Variants in RASGRP3 observed in about 807,000 individuals in gnomAD.
RASGRP3 encodes ras guanyl-releasing protein 3.
Under a neutral mutation model 82.7 loss-of-function variants are expected in RASGRP3, and 54 were observed. The ratio of observed to expected loss-of-function variants is 0.65; its 90% CI spans 0.52 to 0.82. RASGRP3 has a LOEUF of 0.82. Among genes scored for constraint, RASGRP3 ranks in the 40% least tolerant of loss-of-function variants. The probability of loss-of-function intolerance (pLI) is 0.00; values close to 1 mark genes in which losing one functional copy is unlikely to be tolerated. For synonymous variants in RASGRP3, 309 were observed against 300.5 expected (o/e 1.03, Z -0.29); for missense variants, 861 against 828.9 (o/e 1.04, Z -0.48).
intron 13 of RASGRP3, among the ~76,000 whole-genome samples, chr2:33,544,708 T>C (rs114040566): frequency 0.012 from 1,761 of 152,190 alleles, 35 homozygotes; most frequent in African/African-American, 0.039. Flanking sequence ...AAAAACGAAA[T>C]CTGGAGCCGG....
intron 1 of RASGRP3, among the ~76,000 whole-genome samples, chr2:33,479,129 A>G (rs778867174): frequency 6.6e-6 from 1 of 152,242 alleles, no homozygotes; most frequent in Admixed American, 6.5e-5. Context: ...GAGTATTTCC[A>G]GCACAATATG....
upstream of RASGRP3, among the ~76,000 whole-genome samples, chr2:33,471,717 T>G (rs941989430): frequency 6.6e-6 from 1 of 152,160 alleles, no homozygotes; most frequent in African/African-American, 2.4e-5. Context: ...AATTCCTTAT[T>G]AACTTTTACA....
At chr2:33,463,659 C>T (rs953067069) in intron 2 of RASGRP3, among the ~76,000 whole-genome samples, 6 of 144,302 alleles carry the variant, frequency 4.2e-5, no homozygotes, top group African/African-American at 1.0e-4. Context: ...AGTACAATGG[C>T]GCAATCTTGG....
chr2:33,532,595 A>T (rs1673206016), intron 10 of RASGRP3: 2 of 152,214 alleles, frequency 1.3e-5, no homozygotes, highest in Admixed American at 6.5e-5. Context: ...TTTCCTGTAA[A>T]AAGGCAGAGC....
At chr2:33,555,226 TCTC>T (rs1326861210) in intron 14 of RASGRP3, 3 of 224,166 alleles carry the variant, frequency 1.3e-5, no homozygotes, top group Non-Finnish European at 2.6e-5. Flanking sequence ...CAAGTGGCCA[TCTC>T]CTCTGTACAT....
intron 2 of RASGRP3, among the ~76,000 whole-genome samples, chr2:33,459,370 A>G (rs1384297029): frequency 1.3e-5 from 2 of 152,044 alleles, no homozygotes; most frequent in Admixed American, 6.6e-5. Context: ...TCCTGACTTC[A>G]TGATCCGCCT....
chr2:33,501,808 A>G (rs1289593253), intron 1 of RASGRP3, among the ~76,000 whole-genome samples: 1 of 152,230 alleles, frequency 6.6e-6, no homozygotes, highest in African/African-American at 2.4e-5. Context: ...ACGATGAGGT[A>G]TGACCAGAGG....
intron 2 of RASGRP3, among the ~76,000 whole-genome samples, chr2:33,457,161 A>AT (rs1366420614): frequency 1.3e-5 from 2 of 152,170 alleles, no homozygotes; most frequent in East Asian, 1.9e-4. Context: ...GCGAGCCGCC[A>AT]TGCCGGACCG....
chr2:33,548,789 C>G (rs1387924510), intron 13 of RASGRP3, among the ~76,000 whole-genome samples: 1 of 150,956 alleles, frequency 6.6e-6, no homozygotes, highest in Non-Finnish European at 1.5e-5. Flanking sequence ...TCACTGCAAT[C>G]TCTGCCTCCG....
At chr2:33,532,926 A>G (rs186789072) in intron 10 of RASGRP3, 237 of 152,362 alleles carry the variant, frequency 1.6e-3, no homozygotes, top group African/African-American at 5.6e-3. Flanking sequence ...CTTCATTTTT[A>G]AAGGAAGTAG....
intron 1 of RASGRP3, among the ~76,000 whole-genome samples, chr2:33,437,709 T>C (rs1357437605): frequency 6.6e-6 from 1 of 152,086 alleles, no homozygotes; most frequent in Non-Finnish European, 1.5e-5. Context: ...TCTTCTTTCC[T>C]GGGAGAATTT....
rs201952216 is a variant in RASGRP3 at position 33,558,251 on chromosome 2, G to C, written c.1620G>C (p.Leu540=). The part of the protein sequence containing the change: ...ANCHKQCKDL[L]VLACRRFARA... Reference sequence around the variant, plus strand: ...GTCACAAACAGTGCAAAGACCTCCTGGTTCTGGCCTGCAGGAGATTTGCCC... The same window carrying C: ...GTCACAAACAGTGCAAAGACCTCCTCGTTCTGGCCTGCAGGAGATTTGCCC... The change falls in exon 16 of 18, where the codon CTG becomes CTC. Residue 540 remains leucine (L), a synonymous_variant. Transcript: ENST00000403687. The C allele has an allele frequency of 6.2e-7, 1 of 1,612,826 alleles. No homozygotes were observed. Among genetic ancestry groups the C allele is most frequent in the African/African-American group, 1.3e-5 (1 of 75,042 alleles).
intron 1 of RASGRP3, among the ~76,000 whole-genome samples, chr2:33,507,195 G>GGCC (rs1452157958): frequency 6.6e-6 from 1 of 152,180 alleles, no homozygotes; most frequent in Non-Finnish European, 1.5e-5. Context: ...CAGGAATTCA[G>GGCC]ACCATCCTGG....
chr2:33,537,305 T>TACAC lies in RASGRP3; in HGVS notation c.1162-1776_1162-1773dup, dbSNP rs71409627. 2.3e-3 allele frequency among the ~76,000 whole-genome samples: 136 copies of TACAC among 59,634 alleles called. 5 individuals are homozygous for TACAC. The highest frequency in any genetic ancestry group is 3.5e-3 in the African/African-American group (38 of 10,916). The allele number at this position is 59,634 out of a possible 152,430, so 39.1% of individuals were successfully genotyped here. A position where few individuals can be genotyped will look rare whatever the true frequency, so the allele number is the denominator to read the frequency against. On this transcript the variant is annotated intron_variant, in intron 11 of 17. Coordinates refer to ENST00000403687, the MANE Select transcript of RASGRP3 (RefSeq NM_001139488.2). ...ACATAGTGAGACCCTGTCTCTAAAA[T>TACAC]ACACACACACACACACCGCCCCCCC...
chr2:33,524,672 A>G, intron 9 of RASGRP3, 124 bp downstream of exon 9: 1 of 682,390 alleles, frequency 1.5e-6, no homozygotes, highest in Non-Finnish European at 2.4e-6. Flanking sequence ...GTGGTAGGTT[A>G]TAAATGGGGA....
intron 2 of RASGRP3, among the ~76,000 whole-genome samples, chr2:33,466,725 G>T (rs1173959893): frequency 6.6e-6 from 1 of 151,194 alleles, no homozygotes; most frequent in Non-Finnish European, 1.5e-5. Flanking sequence ...TGCAGATGCA[G>T]GGGAAACAGA....
chr2:33,504,476 A>G (rs1264353018), intron 1 of RASGRP3, among the ~76,000 whole-genome samples: 1 of 152,256 alleles, frequency 6.6e-6, no homozygotes, highest in African/African-American at 2.4e-5. Flanking sequence ...TAAATAGACA[A>G]TAAACATTGG....
intron 2 of RASGRP3, among the ~76,000 whole-genome samples, chr2:33,450,373 C>T (rs1390354877): frequency 6.6e-6 from 1 of 152,036 alleles, no homozygotes; most frequent in Non-Finnish European, 1.5e-5. Context: ...TTGATCAAAA[C>T]CTCCTCATTC....
At chr2:33,498,707 C>G (rs1574346054) in intron 1 of RASGRP3, among the ~76,000 whole-genome samples, 1 of 152,120 alleles carries the variant, frequency 6.6e-6, no homozygotes, top group East Asian at 1.9e-4. Flanking sequence ...TTCTCTCTGC[C>G]CAGTGCATCC....
Sources: gnomAD v4.1 joint callset for allele counts (sites outside exome capture counted in the v4.1 genomes callset) on GRCh38, gnomAD v4.1.1 for gene constraint, MANE v1.5 for transcripts, NCBI Gene and HGNC (gene_info 2026-07-23, HGNC 2026-07-21) for gene names.